Variants in MIDEAS observed in about 807,000 individuals in gnomAD.
MIDEAS encodes the protein mitotic deacetylase associated SANT domain protein.
In MIDEAS, 26 loss-of-function variants were observed where a neutral mutation model predicts 102.7. The ratio of observed to expected loss-of-function variants is 0.25; its 90% CI spans 0.19 to 0.35. MIDEAS has a LOEUF of 0.35. Among genes scored for constraint, MIDEAS ranks in the 10% least tolerant of loss-of-function variants. The pLI is 1.00. For missense variants in MIDEAS, 1,231 were observed against 1,435.6 expected (o/e 0.86, Z 2.30); for synonymous variants, 585 against 591.0 (o/e 0.99, Z 0.15).
At chr14:73,784,132 T>C (rs2053784313) in intron 1 of MIDEAS, among the ~76,000 whole-genome samples, 1 of 152,276 alleles carries the variant, frequency 6.6e-6, no homozygotes, top group Non-Finnish European at 1.5e-5. Context: ...AAACTGGTTT[T>C]AAAATCTCTT....
At chr14:73,719,074 C>T (rs2052942146) in intron 12 of MIDEAS, 66 bp from the exon 13 acceptor site, 2 of 1,447,136 alleles carry the variant, frequency 1.4e-6, no homozygotes, top group Admixed American at 2.8e-5. Context: ...CGCGGGTGCG[C>T]GAGGAGCCCC....
intron 1 of MIDEAS, among the ~76,000 whole-genome samples, chr14:73,749,176 A>C (rs2053390937): frequency 6.6e-6 from 1 of 152,132 alleles, no homozygotes; most frequent in Non-Finnish European, 1.5e-5. Context: ...AATACACACA[A>C]ATACACACTC....
chr14:73,761,109 T>C (rs1400959654), upstream of MIDEAS, among the ~76,000 whole-genome samples: 1 of 151,992 alleles, frequency 6.6e-6, no homozygotes, highest in Non-Finnish European at 1.5e-5. Flanking sequence ...GCGGCGGTGG[T>C]GGCGGTGGCT....
intron 1 of MIDEAS, among the ~76,000 whole-genome samples, chr14:73,785,964 T>C (rs1364201932): frequency 6.6e-6 from 1 of 152,222 alleles, no homozygotes; most frequent in East Asian, 1.9e-4. Context: ...AAAGCTGCGT[T>C]TTCTTCGCCA....
chr14:73,719,490 G>A lies in MIDEAS; in HGVS notation c.2949C>T (p.Ile983=). Residue 983 remains isoleucine, a synonymous_variant, in exon 12 of 13, where the codon ATC becomes ATT. Coordinates refer to ENST00000423556, the MANE Select transcript of MIDEAS (RefSeq NM_001367710.1). ...TGGACTCGTGGCTCCGGAGGATGAG[G>A]ATGTCACTGGCCTGAAGAAAATCAA... ...TLQANESASD[I]LILRSHESNA... is the part of the protein sequence containing the mutation. The A allele has an allele frequency of 6.2e-7, 1 of 1,613,620 alleles. No individual in the cohort carries two copies. Among genetic ancestry groups the A allele is most frequent in the Non-Finnish European group, 8.5e-7 (1 of 1,179,924 alleles).
rs1173025451 is a variant in MIDEAS at position 73,725,049 on chromosome 14, G to A, written c.2574+223C>T. On this transcript the variant is annotated intron_variant, in intron 9 of 12. Coordinates refer to ENST00000423556, the MANE Select transcript of MIDEAS (RefSeq NM_001367710.1). This position sits in a 1 kb window ranked among gnomAD's most constrained non-coding sequence, Gnocchi z 4.1. The stretch of plus-strand genomic sequence containing the variant: ...CCTCCTTCTGGATTGAGACCCCAGA[G>A]CTTGGCCACCCTACCCTGAAGTGAG... 2.3e-6 allele frequency: 1 copy of A among 438,408 alleles called. No individual in the cohort carries two copies. Among genetic ancestry groups the A allele is most frequent in the African/African-American group, 2.0e-5 (1 of 49,968 alleles). 27.2% of individuals were successfully genotyped at this position (438,408 alleles called of 1,614,324 possible). A position where few individuals can be genotyped will look rare whatever the true frequency, so the allele number is the denominator to read the frequency against.
intron 1 of MIDEAS, among the ~76,000 whole-genome samples, chr14:73,753,513 A>G (rs1313361395): frequency 1.3e-5 from 2 of 152,206 alleles, no homozygotes; most frequent in African/African-American, 2.4e-5. Flanking sequence ...GTGGGATTCA[A>G]TGAGGTAATA....
intron 1 of MIDEAS, among the ~76,000 whole-genome samples, chr14:73,744,541 G>T (rs1242406761): frequency 6.6e-6 from 1 of 152,134 alleles, no homozygotes; most frequent in Non-Finnish European, 1.5e-5. Context: ...CTCAGCACTA[G>T]GAAGAGGGGA....
intron 1 of MIDEAS, among the ~76,000 whole-genome samples, chr14:73,786,378 G>A (rs988128888): frequency 6.6e-6 from 1 of 152,228 alleles, no homozygotes; most frequent in Non-Finnish European, 1.5e-5. Flanking sequence ...CACAGAGTCC[G>A]CTGGAAGCGG....
intron 9 of MIDEAS, chr14:73,724,150 A>G (rs2053031201): frequency 6.6e-6 from 1 of 152,190 alleles, no homozygotes; most frequent in African/African-American, 2.4e-5. Context: ...TAGCTCTCCC[A>G]TTGCATAAAT....
intron 1 of MIDEAS, among the ~76,000 whole-genome samples, chr14:73,781,262 T>C (rs1429419577): frequency 2.6e-5 from 4 of 152,224 alleles, no homozygotes; most frequent in Non-Finnish European, 1.5e-5. Context: ...ACAGTTACTA[T>C]AAAACTGGGG....
chr14:73,758,204 G>A (rs1208443056), intron 1 of MIDEAS, among the ~76,000 whole-genome samples: 1 of 152,220 alleles, frequency 6.6e-6, no homozygotes, highest in Admixed American at 6.5e-5. Context: ...ACTGTCCAGA[G>A]CAGTTGGAAA....
intron 1 of MIDEAS, among the ~76,000 whole-genome samples, chr14:73,769,755 C>T (rs2053625186): frequency 6.6e-6 from 1 of 152,058 alleles, no homozygotes; most frequent in South Asian, 2.1e-4. Flanking sequence ...GCACGCACCA[C>T]CACGCCCAGC....
chr14:73,718,869 C>T lies in MIDEAS; in HGVS notation c.3274G>A (p.Glu1092Lys), dbSNP rs1474816297. Reference protein sequence around the residue: ...AAAHQQALREESGAGDKG With the variant: ...AAAHQQALREKSGAGDKG ...CAGCCCTTGTCGCCCGCACCGCTCT[C>T]CTCCCGCAGGGCCTGCTGGTGGGCG... Residue 1092 changes from glutamate (E) to lysine (K), a missense_variant, in exon 13 of 13, where the codon GAG (glutamate) becomes AAG (lysine). Physicochemically the swap from Glu to Lys is moderately conservative, Grantham distance 56 (BLOSUM62 1). Transcript: ENST00000423556. 2 of 1,510,730 alleles carry T rather than the reference C, an allele frequency of 1.3e-6. No individual in the cohort carries two copies. Among genetic ancestry groups the T allele is most frequent in the Non-Finnish European group, 8.8e-7 (1 of 1,135,992 alleles). 93.6% of individuals were successfully genotyped at this position (1,510,730 alleles called of 1,614,324 possible). A position where few individuals can be genotyped will look rare whatever the true frequency, so the allele number is the denominator to read the frequency against.
upstream of MIDEAS, among the ~76,000 whole-genome samples, chr14:73,788,270 C>A (rs191144743): frequency 3.3e-5 from 5 of 152,290 alleles, no homozygotes; most frequent in African/African-American, 9.6e-5. Flanking sequence ...GGTTCAAAAG[C>A]ATCAGTTAGG....
chr14:73,730,366 G>A (rs1263520064), intron 3 of MIDEAS, among the ~76,000 whole-genome samples: 1 of 152,208 alleles, frequency 6.6e-6, no homozygotes, highest in East Asian at 1.9e-4. Context: ...GACAGGGCAG[G>A]AGAGTACAGT....
chr14:73,722,501 A>G (rs2053008207), intron 10 of MIDEAS, 197 bp downstream of exon 10: 1 of 494,440 alleles, frequency 2.0e-6, no homozygotes, highest in African/African-American at 1.9e-5. Flanking sequence ...GTATCAACAC[A>G]ATGTATTATT....
intron 1 of MIDEAS, among the ~76,000 whole-genome samples, chr14:73,767,334 G>GCAAA (rs1453357966): frequency 6.6e-6 from 1 of 152,140 alleles, no homozygotes; most frequent in Non-Finnish European, 1.5e-5. Context: ...TAGCTGTTGG[G>GCAAA]CAAACAAGCT....
chr14:73,749,325 G>A (rs2140140045), intron 1 of MIDEAS, among the ~76,000 whole-genome samples: 1 of 146,622 alleles, frequency 6.8e-6, no homozygotes, highest in South Asian at 2.2e-4. Context: ...CTTGAGCCCA[G>A]GAGCTCAAGA....
Sources: gnomAD v4.1 joint callset for allele counts (sites outside exome capture counted in the v4.1 genomes callset) on GRCh38, gnomAD v4.1.1 for gene constraint, Gnocchi (gnomAD v3.1) non-coding constraint, MANE v1.5 for transcripts, NCBI Gene and HGNC (gene_info 2026-07-23, HGNC 2026-07-21) for gene names.